KIAA1328: variants seen among roughly 807,000 people sequenced by gnomAD.
KIAA1328 encodes the protein KIAA1328, also known as protein hinderin.
In KIAA1328, 52 loss-of-function variants were observed where a neutral mutation model predicts 68.1. The observed-to-expected ratio is 0.76, with a 90% CI of 0.61 to 0.96. The LOEUF is 0.96. Ranked by LOEUF, KIAA1328 falls within the 40% of genes least tolerant of loss-of-function variation. The pLI is 0.00. For synonymous variants in KIAA1328, 232 were observed against 239.4 expected (o/e 0.97, Z 0.28); for missense variants, 641 against 677.6 (o/e 0.95, Z 0.60).
At chr18:36,846,889 T>G (rs192367477) in intron 4 of KIAA1328, among the ~76,000 whole-genome samples, 1 of 151,352 alleles carries the variant, frequency 6.6e-6, no homozygotes, top group African/African-American at 2.4e-5. Flanking sequence ...CTCCAGAACT[T>G]TTTTTTATCA....
At chr18:37,106,299 A>G (rs1568413491) in intron 7 of KIAA1328, among the ~76,000 whole-genome samples, 1 of 152,190 alleles carries the variant, frequency 6.6e-6, no homozygotes, top group Non-Finnish European at 1.5e-5. Context: ...AAGGAAGTAT[A>G]TTAGTGATTG....
chr18:37,069,079 A>G (rs561928430), intron 7 of KIAA1328, among the ~76,000 whole-genome samples: 2 of 152,308 alleles, frequency 1.3e-5, no homozygotes, highest in South Asian at 2.1e-4. Context: ...ATTTTGTCAA[A>G]TATCTTTTAT....
chr18:37,067,541 A>G lies in KIAA1328; in HGVS notation c.1228A>G (p.Asn410Asp). ...QQLHQSRLDY[N>D]CLLKSNCDGW... ...GCTTCACCAGTCTCGACTGGATTAC[A>G]ATTGGTGAGTACTGCCTGTTCTTTT... The change falls in exon 7 of 10, where the codon AAT (asparagine) becomes GAT (aspartate). Residue 410 changes from asparagine to aspartate, a missense_variant. Asn to Asp is a conservative substitution (Grantham distance 23). Coordinates refer to ENST00000280020, the MANE Select transcript of KIAA1328 (RefSeq NM_020776.3). 6.6e-7 allele frequency: 1 copy of G among 1,522,762 alleles called. No individual in the cohort carries two copies. Among genetic ancestry groups the G allele is most frequent in the Non-Finnish European group, 8.8e-7 (1 of 1,140,244 alleles). 94.3% of individuals were successfully genotyped at this position (1,522,762 alleles called of 1,614,324 possible).
intron 6 of KIAA1328, among the ~76,000 whole-genome samples, chr18:37,043,003 C>G (rs1053261926): frequency 3.9e-5 from 6 of 151,932 alleles, no homozygotes; most frequent in Non-Finnish European, 8.8e-5. Flanking sequence ...TCTGCTGTTT[C>G]CCTTCTGCTG....
intron 4 of KIAA1328, among the ~76,000 whole-genome samples, chr18:36,876,072 A>G (rs2048113079): frequency 6.6e-6 from 1 of 151,998 alleles, no homozygotes; most frequent in South Asian, 2.1e-4. Flanking sequence ...GTTTGCCAGT[A>G]TTTTACTGAG....
chr18:37,031,618 A>G (rs1429397432), intron 6 of KIAA1328, among the ~76,000 whole-genome samples: 1 of 152,190 alleles, frequency 6.6e-6, no homozygotes, highest in Non-Finnish European at 1.5e-5. Context: ...TAATCTAGCC[A>G]GACTGTCTCT....
chr18:36,967,741 C>T (rs929759368), intron 6 of KIAA1328, among the ~76,000 whole-genome samples: 1 of 152,106 alleles, frequency 6.6e-6, no homozygotes, highest in Admixed American at 6.5e-5. Flanking sequence ...GCTGGGAACC[C>T]TGCACAGGGC....
intron 5 of KIAA1328, among the ~76,000 whole-genome samples, chr18:36,933,739 A>G (rs1047794944): frequency 6.6e-6 from 1 of 152,216 alleles, no homozygotes; most frequent in African/African-American, 2.4e-5. Context: ...CAGATAAAGC[A>G]TCCAGGCTGG....
intron 5 of KIAA1328, chr18:36,903,664 C>T (rs962189747): frequency 9.2e-5 from 14 of 152,144 alleles, no homozygotes; most frequent in African/African-American, 3.1e-4. Context: ...TAATAGTATT[C>T]ATTCCAGCAG....
At chr18:36,856,994 A>G (rs1396495833) in intron 4 of KIAA1328, among the ~76,000 whole-genome samples, 4 of 152,186 alleles carry the variant, frequency 2.6e-5, no homozygotes, top group Admixed American at 2.0e-4. Flanking sequence ...AGAGAAAAAC[A>G]TACTCTCTCA....
chr18:37,097,178 G>T (rs1029018553), intron 7 of KIAA1328, among the ~76,000 whole-genome samples: 1 of 152,158 alleles, frequency 6.6e-6, no homozygotes, highest in Non-Finnish European at 1.5e-5. Context: ...GTATTGCCTA[G>T]GTTTCTTCTA....
intron 5 of KIAA1328, among the ~76,000 whole-genome samples, chr18:36,932,450 C>T (rs979740815): frequency 6.6e-6 from 1 of 152,146 alleles, no homozygotes; most frequent in African/African-American, 2.4e-5. Context: ...ATGAAAACTC[C>T]TGGGGTCAAG....
At chr18:37,077,391 A>C (rs2056779409) in intron 7 of KIAA1328, among the ~76,000 whole-genome samples, 1 of 148,138 alleles carries the variant, frequency 6.8e-6, no homozygotes, top group African/African-American at 2.6e-5. Flanking sequence ...GAATGGGCAA[A>C]AACTGGAAGC....
intron 6 of KIAA1328, among the ~76,000 whole-genome samples, chr18:36,987,452 T>A (rs11081980): frequency 0.72 from 101,540 of 140,984 alleles, 39,640 homozygotes; most frequent in South Asian, 0.88. Context: ...AACCTGCACA[T>A]TGTGCACATG....
At chr18:37,099,236 A>G (rs1175538386) in intron 7 of KIAA1328, among the ~76,000 whole-genome samples, 4 of 152,248 alleles carry the variant, frequency 2.6e-5, no homozygotes, top group South Asian at 4.1e-4. Flanking sequence ...CCTTCTACAC[A>G]CTGCTTTGAA....
intron 9 of KIAA1328, among the ~76,000 whole-genome samples, chr18:37,213,971 C>T (rs1007413327): frequency 1.3e-5 from 2 of 152,070 alleles, no homozygotes; most frequent in South Asian, 2.1e-4. Flanking sequence ...CTGTTCATAT[C>T]CTTTGCCCAC....
At chr18:37,071,302 G>A (rs2056524736) in intron 7 of KIAA1328, among the ~76,000 whole-genome samples, 1 of 151,490 alleles carries the variant, frequency 6.6e-6, no homozygotes, top group African/African-American at 2.4e-5. Context: ...TGAGCTCCTG[G>A]GCTCAAGCAA....
intron 7 of KIAA1328, among the ~76,000 whole-genome samples, chr18:37,092,347 G>A (rs2057290842): frequency 6.6e-6 from 1 of 151,994 alleles, no homozygotes; most frequent in South Asian, 2.1e-4. Context: ...AGGCACTCTA[G>A]CATACCATTT....
intron 6 of KIAA1328, among the ~76,000 whole-genome samples, chr18:37,039,569 C>A (rs185341578): frequency 1.4e-3 from 211 of 152,054 alleles, no homozygotes; most frequent in African/African-American, 4.8e-3. Context: ...AACGCCACCA[C>A]GCCCAGCTAA....
Sources: allele counts gnomAD v4.1 joint callset (sites outside exome capture counted in the v4.1 genomes callset), GRCh38; gene constraint gnomAD v4.1.1; transcripts MANE v1.5; gene names NCBI Gene and HGNC (gene_info 2026-07-23, HGNC 2026-07-21).